The following ATR variants were observed in gnomAD, a reference collection of about 807,000 sequenced individuals.
The protein encoded by ATR is serine/threonine-protein kinase ATR.
ATR carries 142 observed loss-of-function variants against 305.3 expected under a neutral mutation model. The ratio of observed to expected loss-of-function variants is 0.47; its 90% confidence interval spans 0.41 to 0.53. The LOEUF is 0.53. Among genes scored for constraint, ATR ranks in the 20% least tolerant of loss-of-function variants. The pLI is 0.00. For synonymous variants in ATR, 1,050 were observed against 1,068.1 expected (o/e 0.98, Z 0.33); for missense variants, 2,135 against 3,133.1 (o/e 0.68, Z 7.60).
intron 16 of ATR, among the ~76,000 whole-genome samples, chr3:142,547,518 G>A (rs923838925): frequency 6.6e-6 from 1 of 152,102 alleles, no homozygotes; most frequent in African/African-American, 2.4e-5. Context: ...AATGCTATAA[G>A]AAAATAAACG....
chr3:142,526,156 C>A (rs1391412404), intron 21 of ATR, among the ~76,000 whole-genome samples: 1 of 151,970 alleles, frequency 6.6e-6, no homozygotes, highest in African/African-American at 2.4e-5. Context: ...AAAATTTCTA[C>A]CTAGTTACCA....
chr3:142,515,283 G>T, intron 25 of ATR, 112 bp downstream of exon 25: 1 of 1,419,142 alleles, frequency 7.0e-7, no homozygotes, highest in South Asian at 1.3e-5. Flanking sequence ...AAATTTCTAT[G>T]ATTATCAGCA....
intron 41 of ATR, among the ~76,000 whole-genome samples, chr3:142,463,896 A>G (rs926330044): frequency 1.3e-5 from 2 of 152,226 alleles, no homozygotes; most frequent in Non-Finnish European, 2.9e-5. Flanking sequence ...AGGGAAAAAA[A>G]GCTTGTAGAA....
chr3:142,454,052 C>T lies in ATR; in HGVS notation c.7656-819G>A, dbSNP rs868661066. ...TAAAATCCTCAATGACTTCTGGTTG[C>T]TCTGCAGGCAAAGTTATAATGTAGT... is the stretch of plus-strand genomic sequence containing the variant. On this transcript the variant is annotated intron_variant, in intron 45 of 46. Transcript: ENST00000350721. Among the ~76,000 whole-genome samples, 4 of 152,322 alleles carry T rather than the reference C, an allele frequency of 2.6e-5. No homozygotes were observed. The Middle Eastern group carries it at 0.01, about 389-fold the overall frequency.
intron 36 of ATR, among the ~76,000 whole-genome samples, chr3:142,472,832 G>T (rs1027927821): frequency 6.6e-6 from 1 of 152,038 alleles, no homozygotes; most frequent in South Asian, 2.1e-4. Context: ...AGAGATGGGG[G>T]TTTCACCATG....
chr3:142,503,429 T>C lies in ATR; in HGVS notation c.5221A>G (p.Lys1741Glu). ...AGCTGACCAAGACCTAACATGGACT[T>C]TACTACACCATGATAATGAATGATC... ...DQIIHYHGVV[K>E]SMLGLGQLST... Residue 1741 changes from lysine (K) to glutamate (E), a missense_variant, in exon 30 of 47, where the codon AAG becomes GAG. Coordinates refer to ENST00000350721, the MANE Select transcript of ATR (RefSeq NM_001184.4). The C allele has an allele frequency of 6.2e-7, 1 of 1,604,024 alleles. No homozygotes were observed. Among genetic ancestry groups the C allele is most frequent in the East Asian group, 2.2e-5 (1 of 44,772 alleles).
At chr3:142,456,758 A>G (rs1233556178) in intron 45 of ATR, among the ~76,000 whole-genome samples, 3 of 152,232 alleles carry the variant, frequency 2.0e-5, no homozygotes, top group Non-Finnish European at 2.9e-5. Flanking sequence ...TAGAATGGCT[A>G]AAATAAAAAA....
intron 1 of ATR, among the ~76,000 whole-genome samples, chr3:142,570,317 T>G (rs913341519): frequency 2.0e-5 from 3 of 152,262 alleles, no homozygotes; most frequent in African/African-American, 7.2e-5. Flanking sequence ...CTGTGCTTTG[T>G]GTCATATCAA....
At chr3:142,554,777 C>T (rs2034603170) in intron 10 of ATR, among the ~76,000 whole-genome samples, 1 of 151,684 alleles carries the variant, frequency 6.6e-6, no homozygotes, top group Admixed American at 6.6e-5. Flanking sequence ...TAAAAATTAG[C>T]TGGGTGTAGT....
At chr3:142,531,353 C>T (rs945242925) in intron 21 of ATR, among the ~76,000 whole-genome samples, 3 of 151,968 alleles carry the variant, frequency 2.0e-5, no homozygotes, top group African/African-American at 7.3e-5. Flanking sequence ...GTGCTGCACC[C>T]ATTAACTCGT....
Position 142,561,137 on chromosome 3 carries a change from A to G in ATR, c.1349+106T>C. The G allele has an allele frequency of 2.4e-6, 3 of 1,259,444 alleles. No homozygotes were observed. In the East Asian group the frequency reaches 7.0e-5, roughly 29 times the overall value. 78.0% of individuals were successfully genotyped at this position (1,259,444 alleles called of 1,614,324 possible). A position where few individuals can be genotyped will look rare whatever the true frequency, so the allele number is the denominator to read the frequency against. ...CACTCCCTTGGCTACATTTAGAAAG[A>G]TGTTCTTTGTGTATTTAAATCAAAG... On this transcript the variant is annotated intron_variant, in intron 5 of 46. Coordinates refer to ENST00000350721, the MANE Select transcript of ATR (RefSeq NM_001184.4).
intron 22 of ATR, among the ~76,000 whole-genome samples, chr3:142,523,227 C>T (rs935176733): frequency 9.2e-5 from 14 of 152,094 alleles, no homozygotes; most frequent in Admixed American, 7.9e-4. Flanking sequence ...CAAGACCAGA[C>T]TGGCCAATAT....
intron 34 of ATR, among the ~76,000 whole-genome samples, chr3:142,495,047 G>C (rs1182689750): frequency 6.6e-6 from 1 of 152,206 alleles, no homozygotes; most frequent in Non-Finnish European, 1.5e-5. Flanking sequence ...TGAGGTTGCA[G>C]AAGGAATTTA....
At position 142,535,975 on chromosome 3, in the gene ATR, C is replaced by T. The variant is rs2033843565; in HGVS notation, c.3819+133G>A. ...GATTCATGGTAGCATTATCTACTCA[C>T]CAGGAATTAGCTATCAGAATAGGAC... On this transcript the variant is annotated intron_variant, in intron 20 of 46. Coordinates refer to ENST00000350721, the MANE Select transcript of ATR (RefSeq NM_001184.4). 5.5e-5 allele frequency: 37 copies of T among 673,584 alleles called. No individual in the cohort carries two copies. In the South Asian group the frequency reaches 6.3e-4, roughly 11 times the overall value. The allele number at this position is 673,584 out of a possible 1,614,324, so 41.7% of individuals were successfully genotyped here.
At position 142,497,060 on chromosome 3, in the gene ATR, C is replaced by T. The variant is rs1559938710; in HGVS notation, c.5691G>A (p.Lys1897=). 2.5e-6 allele frequency: 4 copies of T among 1,613,702 alleles called. No individual in the cohort carries two copies. The highest frequency in any genetic ancestry group is 3.4e-6 in the Non-Finnish European group (4 of 1,179,910). ...CCCTCCGGAGAGCCAGGATAGGCTC[C>T]TTGGCTCTGTAGGAATTCTGGGTCA... ...LEMTQNSYRA[K]EPILALRRAL... Residue 1897 remains lysine, a synonymous_variant, in exon 33 of 47, where the codon AAG becomes AAA. Coordinates refer to ENST00000350721, the MANE Select transcript of ATR (RefSeq NM_001184.4).
At chr3:142,497,573 TAATAAATAAATA>T (rs35792072) in intron 32 of ATR, among the ~76,000 whole-genome samples, 2 of 148,948 alleles carry the variant, frequency 1.3e-5, no homozygotes, top group African/African-American at 2.5e-5. Context: ...TCCCTTAAAA[TAATAAATAAATA>T]AATAAATAAA....
intron 38 of ATR, among the ~76,000 whole-genome samples, 155 bp downstream of exon 38, chr3:142,469,182 C>T (rs1374348978): frequency 6.6e-6 from 1 of 152,014 alleles, no homozygotes; most frequent in Non-Finnish European, 1.5e-5. Context: ...AGATATAATG[C>T]TATAAATTTC....
intron 46 of ATR, chr3:142,452,525 T>C: frequency 1.6e-6 from 1 of 623,404 alleles, no homozygotes; most frequent in Non-Finnish European, 2.0e-6. Flanking sequence ...AATATAATAA[T>C]TAGCCAGCTG....
chr3:142,530,233 T>G (rs1023754611), intron 21 of ATR, among the ~76,000 whole-genome samples: 1 of 152,168 alleles, frequency 6.6e-6, no homozygotes, highest in African/African-American at 2.4e-5. Context: ...AATCTTCATT[T>G]CAATTTCTTT....
Sources: gnomAD v4.1 joint callset for allele counts (sites outside exome capture counted in the v4.1 genomes callset) on GRCh38, gnomAD v4.1.1 for gene constraint, MANE v1.5 for transcripts, NCBI Gene and HGNC (gene_info 2026-07-23, HGNC 2026-07-21) for gene names.